Variants in ZNF763 observed in about 807,000 individuals in gnomAD.
The protein encoded by ZNF763 is zinc finger protein 763.
In ZNF763, 33 loss-of-function variants were observed where a neutral mutation model predicts 38.0. The ratio of observed to expected loss-of-function variants is 0.87; its 90% CI spans 0.66 to 1.16. The LOEUF (loss-of-function observed/expected upper bound fraction) is 1.16. ZNF763 is among the 50% of genes most tolerant of loss of function. The pLI is 0.00. For synonymous variants in ZNF763, 155 were observed against 160.1 expected, an observed-to-expected ratio of 0.97 and a Z score of 0.24; for missense variants, 423 against 469.1, an observed-to-expected ratio of 0.90 and a Z score of 0.91.
intron 3 of ZNF763, 78 bp from the exon 4 acceptor site, chr19:11,978,038 T>C: frequency 4.5e-6 from 7 of 1,541,974 alleles, no homozygotes; most frequent in Non-Finnish European, 4.4e-6. Flanking sequence ...ATGGACCATG[T>C]TAAAAATGCA....
intron 1 of ZNF763, 73 bp from the exon 2 acceptor site, chr19:11,976,965 C>T: frequency 6.3e-7 from 1 of 1,585,946 alleles, no homozygotes; most frequent in Non-Finnish European, 8.5e-7. Context: ...ACGGCAACTT[C>T]TTGGGAATAG....
rs780802551 is a variant in ZNF763, at chr19:11,978,326, C to T, written c.402C>T (p.Tyr134=). 4.1e-5 allele frequency: 66 copies of T among 1,613,952 alleles called. No individual in the cohort carries two copies. Among genetic ancestry groups the T allele is most frequent in the East Asian group, 8.9e-5 (4 of 44,882 alleles). ...NIRGDIGHKA[Y]EYQDYAPKPY... Reference sequence around the variant, plus strand: ...GAGGTGACATTGGGCACAAGGCATACGAGTATCAGGACTATGCACCAAAGC... The same window carrying T: ...GAGGTGACATTGGGCACAAGGCATATGAGTATCAGGACTATGCACCAAAGC... The change falls in exon 4 of 4, where the codon TAC becomes TAT. Residue 134 remains tyrosine (Y), a synonymous_variant. Coordinates refer to ENST00000358987, the MANE Select transcript of ZNF763 (RefSeq NM_001367172.2).
chr19:11,977,083 G>A lies in ZNF763; in HGVS notation c.49G>A (p.Glu17Lys), dbSNP rs571845454. 1.9e-6 allele frequency: 3 copies of A among 1,614,184 alleles called. No individual in the cohort carries two copies. The highest frequency in any genetic ancestry group is 2.7e-5 in the African/African-American group (2 of 75,054). Residue 17 changes from glutamate to lysine, a missense_variant, in exon 2 of 4, where the codon GAG (glutamate) becomes AAG (lysine). Coordinates refer to ENST00000358987, the MANE Select transcript of ZNF763 (RefSeq NM_001367172.2). ...TGTTGCTGTGAACTTCACCCAGGAG[G>A]AGTGGGCTTTGCTGGATATTTCGCA... is the stretch of plus-strand genomic sequence containing the variant. ...EDVAVNFTQEEWALLDISQRK... is the reference protein window; with the variant it reads ...EDVAVNFTQEKWALLDISQRK...
chr19:11,971,178 G>A (rs1283790590), intron 1 of ZNF763, among the ~76,000 whole-genome samples: 4 of 152,182 alleles, frequency 2.6e-5, no homozygotes, highest in Admixed American at 6.5e-5. Context: ...AGGTTGTGAA[G>A]TCCATGTTCA....
At chr19:11,966,493 C>T (rs1973232265) in intron 1 of ZNF763, among the ~76,000 whole-genome samples, 2 of 152,176 alleles carry the variant, frequency 1.3e-5, no homozygotes, top group South Asian at 4.1e-4. Context: ...CCTGCCTCAG[C>T]TTCCTGAGTA....
chr19:11,975,141 C>A (rs1973457798), intron 1 of ZNF763, among the ~76,000 whole-genome samples: 1 of 151,496 alleles, frequency 6.6e-6, no homozygotes, highest in South Asian at 2.1e-4. Flanking sequence ...TGTTGTTGCC[C>A]AGGCTGGAGT....
Position 11,977,057 on chromosome 19 carries a change from A to G in ZNF763, c.23A>G (p.Asp8Gly), listed in dbSNP as rs1973508634. The change falls in exon 2 of 4, where the codon GAT becomes GGT. Residue 8 changes from aspartate (D) to glycine (G), a missense_variant. Coordinates refer to ENST00000358987, the MANE Select transcript of ZNF763 (RefSeq NM_001367172.2). MDPVACE[D>G]VAVNFTQEEW... ...TTTCAGGACCCTGTGGCCTGTGAGG[A>G]TGTTGCTGTGAACTTCACCCAGGAG... 1.2e-6 allele frequency: 2 copies of G among 1,614,094 alleles called. No individual in the cohort carries two copies. Among genetic ancestry groups the G allele is most frequent in the Non-Finnish European group, 8.5e-7 (1 of 1,179,994 alleles).
Position 11,973,724 on chromosome 19 carries a change from T to G in ZNF763, c.4-3314T>G, listed in dbSNP as rs543578804. Among the ~76,000 whole-genome samples, 4 of 152,208 alleles carry G rather than the reference T, an allele frequency of 2.6e-5. No individual in the cohort carries two copies. The South Asian group carries it at 6.2e-4, about 24-fold the overall frequency. ...CAGTGTGAGACCTTGTTAATTTTTT[T>G]TTTTTTTTTTTAAAGACTCACCTTG... On this transcript the variant is annotated intron_variant, in intron 1 of 3. Coordinates refer to ENST00000358987, the MANE Select transcript of ZNF763 (RefSeq NM_001367172.2).
intron 1 of ZNF763, among the ~76,000 whole-genome samples, chr19:11,966,806 C>T (rs1452363648): frequency 6.6e-6 from 1 of 152,028 alleles, no homozygotes; most frequent in African/African-American, 2.4e-5. Flanking sequence ...CCGAAATAAT[C>T]GAAAGGTTCA....
In ZNF763 at chr19:11,978,425, C is replaced by T. The variant is rs772655407; in HGVS notation, c.501C>T (p.Thr167=). The T allele has an allele frequency of 5.5e-5, 89 of 1,613,970 alleles. No homozygotes were observed. Among genetic ancestry groups the T allele is most frequent in the Admixed American group, 1.0e-4 (6 of 59,982 alleles). ...PSFRTQERNH[T]GEKPYACKEC... ...TTAGAACACAAGAAAGGAATCACAC[C>T]GGAGAGAAACCCTATGCTTGTAAAG... The change falls in exon 4 of 4, where the codon ACC becomes ACT. Residue 167 remains threonine, a synonymous_variant. Transcript: ENST00000358987.
At chr19:11,976,734 C>T (rs914736990) in intron 1 of ZNF763, 11 of 410,800 alleles carry the variant, frequency 2.7e-5, no homozygotes, top group African/African-American at 6.5e-5. Context: ...GGTGTGGTGG[C>T]GCATGCCTGT....
In ZNF763 at chr19:11,979,867, C is replaced by A; in HGVS notation, c.*758C>A. 2 of 1,467,820 alleles carry A rather than the reference C, an allele frequency of 1.4e-6. No homozygotes were observed. The highest frequency in any genetic ancestry group is 1.9e-6 in the Non-Finnish European group (2 of 1,052,034). The allele number at this position is 1,467,820 out of a possible 1,614,324, so 90.9% of individuals were successfully genotyped here. ...GAATTCATGAAAGGACACAAACACA[C>A]GTAAGAATGCACTCTGTAGAAAGAC... On this transcript the variant is annotated 3_prime_UTR_variant, in exon 4 of 4. Transcript: ENST00000358987.
chr19:11,965,248 G>A (rs1973199824), intron 1 of ZNF763, 37 bp downstream of exon 1: 1 of 1,613,508 alleles, frequency 6.2e-7, no homozygotes, highest in Non-Finnish European at 8.5e-7. Flanking sequence ...AGACGGGGTA[G>A]AGGCTGCCTG....
intron 1 of ZNF763, among the ~76,000 whole-genome samples, chr19:11,972,823 GCCTCATACCTGTAATCCTA>G (rs1222760291): frequency 6.6e-6 from 1 of 151,932 alleles, no homozygotes; most frequent in Non-Finnish European, 1.5e-5. Flanking sequence ...CAGATGCTGT[GCCTCATACCTGTAATCCTA>G]CCACTTAGGG....
In ZNF763 at chr19:11,979,984, G is replaced by C; in HGVS notation, c.*875G>C. 8.5e-7 allele frequency: 1 copy of C among 1,182,434 alleles called. No individual in the cohort carries two copies. Among genetic ancestry groups the C allele is most frequent in the Non-Finnish European group, 1.2e-6 (1 of 805,122 alleles). 73.2% of individuals were successfully genotyped at this position (1,182,434 alleles called of 1,614,324 possible). A position where few individuals can be genotyped will look rare whatever the true frequency, so the allele number is the denominator to read the frequency against. The stretch of plus-strand genomic sequence containing the variant: ...CTTACACTGGAGAGAAACCCTATGA[G>C]TGTAAGCAATGTGGGAAAGCCTTTA... On this transcript the variant is annotated 3_prime_UTR_variant, in exon 4 of 4. Transcript: ENST00000358987.
intron 1 of ZNF763, among the ~76,000 whole-genome samples, chr19:11,973,717 A>ATTT (rs34111838): frequency 1.2e-4 from 17 of 142,564 alleles, no homozygotes; most frequent in Non-Finnish European, 4.6e-5. Context: ...GACCTTGTTA[A>ATTT]TTTTTTTTTT....
intron 1 of ZNF763, among the ~76,000 whole-genome samples, chr19:11,968,723 T>C (rs562997161): frequency 2.0e-5 from 3 of 151,982 alleles, no homozygotes; most frequent in Admixed American, 2.0e-4. Flanking sequence ...ACTATAGAGA[T>C]CAGTAGTAGA....
At position 11,979,740 on chromosome 19, in the gene ZNF763, G is replaced by T. The variant is rs537242122; in HGVS notation, c.*631G>T. The T allele has an allele frequency of 5.0e-6, 8 of 1,592,990 alleles. No homozygotes were observed. The South Asian group carries it at 8.8e-5, about 18-fold the overall frequency. On this transcript the variant is annotated 3_prime_UTR_variant, in exon 4 of 4. Transcript: ENST00000358987. ...TGTAAGCAATGTGGGAAAGCCTTCA[G>T]ATCTGCCCCACACCTTCGAATCCAT... is the stretch of plus-strand genomic sequence containing the variant.
chr19:11,978,592 C>T lies in ZNF763; in HGVS notation c.668C>T (p.Thr223Ile), dbSNP rs202046144. ...RLYLIHERTH[T>I]GEKPYECKQC... Reference sequence around the variant, plus strand: ...TATCTTATCCATGAAAGAACTCACACTGGAGAGAAACCGTATGAATGTAAA... The same window carrying T: ...TATCTTATCCATGAAAGAACTCACATTGGAGAGAAACCGTATGAATGTAAA... The change falls in exon 4 of 4, where the codon ACT becomes ATT. Residue 223 changes from threonine to isoleucine, a missense_variant. Transcript: ENST00000358987. The T allele has an allele frequency of 1.4e-5, 22 of 1,614,070 alleles. No homozygotes were observed. Among genetic ancestry groups the T allele is most frequent in the Non-Finnish European group, 1.9e-5 (22 of 1,180,030 alleles).
Sources: allele counts gnomAD v4.1 joint callset (sites outside exome capture counted in the v4.1 genomes callset), GRCh38; gene constraint gnomAD v4.1.1; transcripts MANE v1.5; gene names NCBI Gene and HGNC (gene_info 2026-07-23, HGNC 2026-07-21).